Variants in EYA4 observed in about 807,000 individuals in gnomAD.
The protein encoded by EYA4 is protein phosphatase EYA4.
EYA4 carries 31 observed loss-of-function variants against 87.9 expected under a neutral mutation model. That is an observed-to-expected ratio of 0.35 (90% CI 0.27 to 0.48). The LOEUF is 0.48. Among genes scored for constraint, EYA4 ranks in the 20% least tolerant of loss-of-function variants. The pLI is 0.99. For missense variants in EYA4, 678 were observed against 761.4 expected (o/e 0.89, Z 1.29); for synonymous variants, 263 against 270.6 (o/e 0.97, Z 0.28).
chr6:133,490,285 A>C (rs1289525840), intron 13 of EYA4, among the ~76,000 whole-genome samples: 1 of 152,154 alleles, frequency 6.6e-6, no homozygotes, highest in Non-Finnish European at 1.5e-5. Flanking sequence ...GCAAACAAAT[A>C]ACAAAATGGC....
intron 2 of EYA4, among the ~76,000 whole-genome samples, chr6:133,375,423 G>A (rs9402509): frequency 0.03 from 4,627 of 151,806 alleles, 173 homozygotes; most frequent in East Asian, 0.2. Context: ...TTTATGTTTT[G>A]CCTATTTCAT....
intron 3 of EYA4, among the ~76,000 whole-genome samples, chr6:133,427,225 C>A (rs373763915): frequency 6.6e-6 from 1 of 152,120 alleles, no homozygotes; most frequent in East Asian, 1.9e-4. Flanking sequence ...ACTTTAGAGG[C>A]AATTTCTTGA....
At chr6:133,481,418 C>G (rs1412373546) in intron 11 of EYA4, 45 bp from the exon 12 acceptor site, 11 of 1,586,470 alleles carry the variant, frequency 6.9e-6, no homozygotes, top group South Asian at 1.1e-5. Context: ...CATACTTGAT[C>G]TAAAAATGAA....
chr6:133,464,883 C>G, intron 10 of EYA4, 25 bp downstream of exon 10: 2 of 1,503,752 alleles, frequency 1.3e-6, no homozygotes, highest in Non-Finnish European at 1.8e-6. Context: ...TGTGTTTATG[C>G]TTTTTATATG....
intron 10 of EYA4, among the ~76,000 whole-genome samples, chr6:133,466,505 A>T (rs1794855861): frequency 6.6e-6 from 1 of 152,158 alleles, no homozygotes; most frequent in African/African-American, 2.4e-5. Flanking sequence ...CCTGCCTCAT[A>T]GAGCTTACAG....
chr6:133,389,502 G>C (rs1257603705), intron 3 of EYA4, among the ~76,000 whole-genome samples: 1 of 152,166 alleles, frequency 6.6e-6, no homozygotes, highest in African/African-American at 2.4e-5. Context: ...CACATAGCAG[G>C]TCCCCAGTAC....
chr6:133,250,454 C>A (rs2128228886), intron 1 of EYA4, among the ~76,000 whole-genome samples: 1 of 152,048 alleles, frequency 6.6e-6, no homozygotes, highest in African/African-American at 2.4e-5. Flanking sequence ...CCAGCCTGAC[C>A]AAAATGGCAA....
At chr6:133,434,217 T>C (rs888194871) in intron 3 of EYA4, among the ~76,000 whole-genome samples, 3 of 152,192 alleles carry the variant, frequency 2.0e-5, no homozygotes, top group Non-Finnish European at 4.4e-5. Context: ...AAGACTGTTA[T>C]ATGAAAGAAG....
intron 2 of EYA4, among the ~76,000 whole-genome samples, chr6:133,371,799 A>G (rs1283983546): frequency 6.6e-6 from 1 of 152,178 alleles, no homozygotes; most frequent in Non-Finnish European, 1.5e-5. Flanking sequence ...AAGAAATAGA[A>G]AAGCCAGATG....
At chr6:133,312,252 G>A (rs565437081) in intron 2 of EYA4, among the ~76,000 whole-genome samples, 4 of 152,198 alleles carry the variant, frequency 2.6e-5, no homozygotes, top group African/African-American at 9.6e-5. Flanking sequence ...GCTGAATGTG[G>A]GGAGGGGTGA....
At chr6:133,516,216 C>T (rs1223433017) in intron 17 of EYA4, among the ~76,000 whole-genome samples, 1 of 152,006 alleles carries the variant, frequency 6.6e-6, no homozygotes, top group African/African-American at 2.4e-5. Context: ...AGGGAAACAA[C>T]AGACACTGGG....
intron 2 of EYA4, among the ~76,000 whole-genome samples, chr6:133,280,853 T>G (rs1196264201): frequency 2.0e-5 from 3 of 152,134 alleles, no homozygotes; most frequent in Admixed American, 6.5e-5. Flanking sequence ...CCCATGCCCA[T>G]TAGCACACTC....
At chr6:133,272,808 CA>C (rs1776810575) in intron 1 of EYA4, among the ~76,000 whole-genome samples, 1 of 152,126 alleles carries the variant, frequency 6.6e-6, no homozygotes, top group Admixed American at 6.5e-5. Context: ...TTCTGGACCC[CA>C]GGCAGTTTTA....
chr6:133,462,133 A>G, intron 7 of EYA4: 2 of 631,460 alleles, frequency 3.2e-6, no homozygotes, highest in Non-Finnish European at 5.6e-6. Flanking sequence ...AGTTTAAATC[A>G]TTTGTCTATG....
intron 1 of EYA4, among the ~76,000 whole-genome samples, chr6:133,260,976 T>C (rs184688778): frequency 6.6e-6 from 1 of 152,346 alleles, no homozygotes; most frequent in Admixed American, 6.5e-5. Context: ...TACCTTTTCC[T>C]CTTAACTTTT....
chr6:133,309,875 C>T (rs183172073), intron 2 of EYA4, among the ~76,000 whole-genome samples: 6 of 152,080 alleles, frequency 3.9e-5, no homozygotes, highest in African/African-American at 7.2e-5. Context: ...TCTGTCCTGA[C>T]GAAGAAGGTA....
intron 1 of EYA4, among the ~76,000 whole-genome samples, chr6:133,273,512 GT>G (rs1284040105): frequency 6.6e-6 from 1 of 151,994 alleles, no homozygotes; most frequent in Non-Finnish European, 1.5e-5. Context: ...GTGTCCGATT[GT>G]TTCTTTAGAT....
chr6:133,355,277 C>T (rs1225636980), intron 2 of EYA4, among the ~76,000 whole-genome samples: 1 of 152,090 alleles, frequency 6.6e-6, no homozygotes, highest in Admixed American at 6.6e-5. Flanking sequence ...CAGTGCCTGT[C>T]GTTCCCCACT....
intron 3 of EYA4, among the ~76,000 whole-genome samples, chr6:133,432,540 G>A (rs1052275557): frequency 4.0e-5 from 6 of 151,780 alleles, no homozygotes; most frequent in African/African-American, 1.4e-4. Context: ...AAAAGCTGGG[G>A]CAGTGAGGGA....
Sources: allele counts gnomAD v4.1 joint callset (sites outside exome capture counted in the v4.1 genomes callset), GRCh38; gene constraint gnomAD v4.1.1; transcripts MANE v1.5; gene names NCBI Gene and HGNC (gene_info 2026-07-23, HGNC 2026-07-21).